Variants in NOL10 observed in about 807,000 individuals in gnomAD.
The protein encoded by NOL10 is H_NH0074G24.1.
Under a neutral mutation model 103.5 loss-of-function variants are expected in NOL10, and 58 were observed. That is an observed-to-expected ratio of 0.56 (90% CI 0.45 to 0.70). The LOEUF is 0.70. Among genes scored for constraint, NOL10 ranks in the 30% least tolerant of loss-of-function variants. The pLI is 0.00. For missense variants in NOL10, 763 were observed against 807.3 expected (o/e 0.95, Z 0.67); for synonymous variants, 287 against 282.5 (o/e 1.02, Z -0.16).
Position 10,589,173 on chromosome 2 carries a change from C to T in NOL10, c.1714G>A (p.Glu572Lys). Residue 572 changes from glutamate (E) to lysine (K), a missense_variant, in exon 19 of 21, where the codon GAA becomes AAA. By Grantham distance (56) the Glu-to-Lys change is moderately conservative. Coordinates refer to ENST00000381685, the MANE Select transcript of NOL10 (RefSeq NM_024894.4). ...AGTCGTTCCTGCCGCTTCACTTTTTCCTCCTGCTGGAGGAGTCTGCGTTGC... is the reference window on the plus strand; with the variant it reads ...AGTCGTTCCTGCCGCTTCACTTTTTTCTCCTGCTGGAGGAGTCTGCGTTGC... ...RKQRRLLQQE[E>K]KVKRQERLKE... 6.2e-7 allele frequency: 1 copy of T among 1,613,970 alleles called. No homozygotes were observed. Among genetic ancestry groups the T allele is most frequent in the Middle Eastern group, 1.6e-4 (1 of 6,062 alleles).
At chr2:10,632,052 A>G (rs1211343255) in intron 13 of NOL10, among the ~76,000 whole-genome samples, 1 of 152,202 alleles carries the variant, frequency 6.6e-6, no homozygotes, top group African/African-American at 2.4e-5. Flanking sequence ...AGTACGGTCA[A>G]GAAGCACTGC....
chr2:10,590,307 A>G (rs921629963), intron 17 of NOL10, among the ~76,000 whole-genome samples: 1 of 152,068 alleles, frequency 6.6e-6, no homozygotes, highest in African/African-American at 2.4e-5. Flanking sequence ...GGGTCTCACT[A>G]TGTTGCCCAG....
At chr2:10,573,156 C>T (rs1192995759) in intron 20 of NOL10, among the ~76,000 whole-genome samples, 7 of 151,702 alleles carry the variant, frequency 4.6e-5, no homozygotes, top group South Asian at 2.1e-4. Context: ...GGAAAAGCAC[C>T]GTCTTATGGA....
At chr2:10,652,071 C>G (rs1679503089) in intron 12 of NOL10, among the ~76,000 whole-genome samples, 1 of 151,988 alleles carries the variant, frequency 6.6e-6, no homozygotes, top group African/African-American at 2.4e-5. Flanking sequence ...GAAACCCTGT[C>G]TCTACTAAAA....
chr2:10,577,567 A>G, intron 20 of NOL10, 69 bp downstream of exon 20: 1 of 1,096,310 alleles, frequency 9.1e-7, no homozygotes, highest in Non-Finnish European at 1.4e-6. Context: ...CTGAGGACAC[A>G]CACACAAACA....
chr2:10,650,847 T>C (rs1486807129), intron 12 of NOL10, among the ~76,000 whole-genome samples: 1 of 152,170 alleles, frequency 6.6e-6, no homozygotes, highest in East Asian at 1.9e-4. Flanking sequence ...TCAATCCATT[T>C]TAAGTCTCTT....
Position 10,687,951 on chromosome 2 carries a change from T to C in NOL10, c.66+1845A>G, listed in dbSNP as rs117147443. ...AAAAATCTTGATTCTTTTTGCTCAC[T>C]ACGTTCCTCCTCTCCACCTTTCAAT... On this transcript the variant is annotated intron_variant, in intron 1 of 20. Coordinates refer to ENST00000381685, the MANE Select transcript of NOL10 (RefSeq NM_024894.4). 5.1e-4 allele frequency among the ~76,000 whole-genome samples: 77 copies of C among 152,290 alleles called. 2 individuals are homozygous for C. The East Asian group carries it at 0.013, about 26-fold the overall frequency.
chr2:10,676,932 C>A (rs926534465), intron 3 of NOL10, among the ~76,000 whole-genome samples: 2 of 142,816 alleles, frequency 1.4e-5, no homozygotes, highest in African/African-American at 5.4e-5. Flanking sequence ...GCCATCGAGG[C>A]CGGCCTCTTT....
At chr2:10,575,742 A>T (rs1674420942) in intron 20 of NOL10, among the ~76,000 whole-genome samples, 1 of 152,200 alleles carries the variant, frequency 6.6e-6, no homozygotes, top group African/African-American at 2.4e-5. Flanking sequence ...GCAGGAGCTG[A>T]GGTGGCTGTG....
intron 5 of NOL10, among the ~76,000 whole-genome samples, chr2:10,672,551 C>A (rs1681019034): frequency 6.6e-6 from 1 of 152,084 alleles, no homozygotes. Context: ...AAGCTGTACC[C>A]CATAGTTTCC....
chr2:10,652,811 T>C (rs1374095756), intron 12 of NOL10, among the ~76,000 whole-genome samples: 1 of 151,880 alleles, frequency 6.6e-6, no homozygotes, highest in Non-Finnish European at 1.5e-5. Flanking sequence ...GACCACATTT[T>C]CTACTGGACG....
chr2:10,617,406 C>G (rs73167845), intron 13 of NOL10, among the ~76,000 whole-genome samples: 2,062 of 152,212 alleles, frequency 0.014, 58 homozygotes, highest in African/African-American at 0.047. Context: ...GCTGACAGTT[C>G]GGCAACGAGC....
intron 12 of NOL10, among the ~76,000 whole-genome samples, chr2:10,653,378 A>G (rs1260737982): frequency 1.3e-5 from 2 of 152,094 alleles, no homozygotes; most frequent in African/African-American, 2.4e-5. Context: ...TTAGAAAAAG[A>G]AGCCATAATC....
chr2:10,669,910 A>AATT (rs1553313502), intron 6 of NOL10, among the ~76,000 whole-genome samples: 3 of 150,720 alleles, frequency 2.0e-5, no homozygotes, highest in Non-Finnish European at 4.4e-5. Flanking sequence ...TAATAATAAT[A>AATT]ATGATAATAA....
At chr2:10,624,279 G>A (rs1677323510) in intron 13 of NOL10, among the ~76,000 whole-genome samples, 1 of 151,840 alleles carries the variant, frequency 6.6e-6, no homozygotes, top group Non-Finnish European at 1.5e-5. Flanking sequence ...AGATAAACAA[G>A]TGAACAAAGG....
chr2:10,612,283 T>C (rs150706350), intron 13 of NOL10, among the ~76,000 whole-genome samples: 2 of 152,232 alleles, frequency 1.3e-5, no homozygotes, highest in African/African-American at 4.8e-5. Flanking sequence ...TTTTAACAGA[T>C]CAAGGGTGAT....
intron 13 of NOL10, among the ~76,000 whole-genome samples, chr2:10,629,594 G>C (rs1677704487): frequency 6.6e-6 from 1 of 152,034 alleles, no homozygotes; most frequent in African/African-American, 2.4e-5. Flanking sequence ...TGATATAATT[G>C]GGGAAAATGA....
At chr2:10,598,230 G>A (rs1301914821) in intron 17 of NOL10, among the ~76,000 whole-genome samples, 1 of 152,182 alleles carries the variant, frequency 6.6e-6, no homozygotes, top group Non-Finnish European at 1.5e-5. Flanking sequence ...GCCTGTCAGT[G>A]ACCGGACACT....
intron 17 of NOL10, among the ~76,000 whole-genome samples, chr2:10,598,122 T>C (rs1464897173): frequency 6.6e-6 from 1 of 152,178 alleles, no homozygotes; most frequent in African/African-American, 2.4e-5. Context: ...ATTTCAGTTA[T>C]CTCTGTTCAT....
Sources: gnomAD v4.1 joint callset for allele counts (sites outside exome capture counted in the v4.1 genomes callset) on GRCh38, gnomAD v4.1.1 for gene constraint, MANE v1.5 for transcripts, NCBI Gene and HGNC (gene_info 2026-07-23, HGNC 2026-07-21) for gene names.